MINPP1: variants seen among roughly 807,000 people sequenced by gnomAD.
The protein encoded by MINPP1 is multiple inositol-polyphosphate phosphatase 1, also known as multiple inositol polyphosphate phosphatase 1.
MINPP1 carries 28 observed loss-of-function variants against 46.1 expected under a neutral mutation model. The ratio of observed to expected loss-of-function variants is 0.61; its 90% CI spans 0.45 to 0.83. The LOEUF is 0.83. Ranked by LOEUF, MINPP1 falls within the 40% of genes least tolerant of loss-of-function variation. The probability of loss-of-function intolerance (pLI) is 0.00; values close to 1 mark genes in which losing one functional copy is unlikely to be tolerated. For missense variants in MINPP1, 603 were observed against 610.0 expected (o/e 0.99, Z 0.12); for synonymous variants, 268 against 249.1 (o/e 1.08, Z -0.72).
intron 4 of MINPP1, among the ~76,000 whole-genome samples, chr10:87,547,415 G>A (rs1033839487): frequency 1.3e-5 from 2 of 152,080 alleles, no homozygotes; most frequent in Non-Finnish European, 2.9e-5. Context: ...ATCAGCAATG[G>A]TTTGAAAGTA....
rs751548276 is a variant in MINPP1 at position 87,505,006 on chromosome 10, T to A, written c.91T>A (p.Ser31Thr). 8.7e-6 allele frequency: 14 copies of A among 1,612,800 alleles called. No homozygotes were observed. Among genetic ancestry groups the A allele is most frequent in the Non-Finnish European group, 1.1e-5 (13 of 1,179,826 alleles). The change falls in exon 1 of 5, where the codon TCT becomes ACT. Residue 31 changes from serine to threonine, a missense_variant. By Grantham distance (58) the Ser-to-Thr change is moderately conservative. This residue lies in a region of MINPP1 where 239 missense variants were observed against 189.4 expected (regional missense o/e 1.26). Transcript: ENST00000371996. This position sits in a 1 kb window ranked among gnomAD's most constrained non-coding sequence, Gnocchi z 4.4. ...GCTGCTCTCGTCGCTTGCGCGCTGC[T>A]CTCTTCTAGAGCCGAGGGACCCGGT... ...AALLSSLARC[S>T]LLEPRDPVAS...
intron 4 of MINPP1, among the ~76,000 whole-genome samples, chr10:87,524,105 G>A (rs1851540731): frequency 6.6e-6 from 1 of 152,212 alleles, no homozygotes; most frequent in African/African-American, 2.4e-5. Context: ...TGATGTTCTA[G>A]ATGGTATCTT....
At chr10:87,520,583 A>T (rs1344829245) in intron 3 of MINPP1, among the ~76,000 whole-genome samples, 3 of 152,100 alleles carry the variant, frequency 2.0e-5, no homozygotes, top group Non-Finnish European at 4.4e-5. Context: ...TACATTTCTC[A>T]TCCACCTATG....
chr10:87,507,899 G>T, intron 1 of MINPP1: 1 of 1,167,126 alleles, frequency 8.6e-7, no homozygotes, highest in Non-Finnish European at 1.1e-6. Flanking sequence ...ACAGAGTTGG[G>T]AAGGTTAATT....
At chr10:87,525,557 A>C (rs72634987) in intron 4 of MINPP1, among the ~76,000 whole-genome samples, 18,585 of 151,992 alleles carry the variant, frequency 0.12, 1,374 homozygotes, top group Non-Finnish European at 0.17. Context: ...CACCTTTTTT[A>C]AAGTTATACT....
intron 4 of MINPP1, among the ~76,000 whole-genome samples, chr10:87,550,685 C>T: frequency 6.6e-6 from 1 of 151,976 alleles, no homozygotes; most frequent in African/African-American, 2.4e-5. Flanking sequence ...GTGTACTGTT[C>T]AGAAGTATGA....
chr10:87,507,566 A>G (rs1851270815), intron 1 of MINPP1, among the ~76,000 whole-genome samples: 1 of 152,206 alleles, frequency 6.6e-6, no homozygotes, highest in Non-Finnish European at 1.5e-5. Context: ...ATGTACAAAA[A>G]TGATATACTT....
At position 87,523,356 on chromosome 10, in the gene MINPP1, G is replaced by GT. The variant is rs34767942; in HGVS notation, c.1067+2199dup. On this transcript the variant is annotated intron_variant, in intron 4 of 4. Transcript: ENST00000371996. ...TATTTCTCTGTCATATGAAATTTCT[G>GT]TTTTTTTTTTTTGAGACAGAGTCTC... Among the ~76,000 whole-genome samples, 270 of 144,602 alleles carry GT rather than the reference G, an allele frequency of 1.9e-3. 2 individuals are homozygous for GT. Among genetic ancestry groups the GT allele is most frequent in the South Asian group, 5.1e-3 (23 of 4,550 alleles). 94.9% of individuals were successfully genotyped at this position (144,602 alleles called of 152,430 possible).
intron 4 of MINPP1, among the ~76,000 whole-genome samples, chr10:87,541,879 T>A (rs147209834): frequency 0.013 from 2,056 of 152,310 alleles, 45 homozygotes; most frequent in African/African-American, 0.047. Context: ...TCCTCCCCCA[T>A]GTCCCAGTCT....
chr10:87,513,047 G>A, intron 2 of MINPP1, 77 bp from the exon 3 acceptor site: 2 of 964,204 alleles, frequency 2.1e-6, no homozygotes, highest in Non-Finnish European at 3.4e-6. Context: ...ACCACACATG[G>A]CATTCTACAG....
At chr10:87,538,149 C>T (rs1055122447) in intron 4 of MINPP1, among the ~76,000 whole-genome samples, 19 of 138,198 alleles carry the variant, frequency 1.4e-4, no homozygotes, top group African/African-American at 3.2e-4. Flanking sequence ...AATGTTTTTT[C>T]TCCGGGATTT....
Position 87,524,681 on chromosome 10 carries a change from T to C in MINPP1, c.1067+3512T>C, listed in dbSNP as rs113069076. On this transcript the variant is annotated intron_variant, in intron 4 of 4. Coordinates refer to ENST00000371996, the MANE Select transcript of MINPP1 (RefSeq NM_004897.5). ...CTTTCATTTGAACACTTAGAGGCCA[T>C]TGTAGGATTATTAATTGACGTAATT... Among the ~76,000 whole-genome samples, 1,403 of 152,268 alleles carry C rather than the reference T, an allele frequency of 9.2e-3. 4 individuals carry two copies. The highest frequency in any genetic ancestry group is 0.015 in the Non-Finnish European group (988 of 68,024).
At chr10:87,529,123 T>C (rs1165470024) in intron 4 of MINPP1, among the ~76,000 whole-genome samples, 1 of 152,224 alleles carries the variant, frequency 6.6e-6, no homozygotes, top group African/African-American at 2.4e-5. Context: ...GAGTTGTGTC[T>C]CCTGAATACA....
chr10:87,533,452 G>A (rs976011343), intron 4 of MINPP1, among the ~76,000 whole-genome samples: 4 of 152,110 alleles, frequency 2.6e-5, no homozygotes, highest in Admixed American at 6.6e-5. Context: ...TTCTATTTAA[G>A]CAGCTGTGAT....
intron 4 of MINPP1, among the ~76,000 whole-genome samples, chr10:87,550,665 G>A (rs1377856844): frequency 2.0e-5 from 3 of 151,876 alleles, no homozygotes; most frequent in Non-Finnish European, 4.4e-5. Flanking sequence ...GAGCCCCCCC[G>A]TTCTGGTGTG....
chr10:87,539,388 G>A (rs553730344), intron 4 of MINPP1, among the ~76,000 whole-genome samples: 2 of 152,274 alleles, frequency 1.3e-5, no homozygotes, highest in Non-Finnish European at 2.9e-5. Context: ...GGATACTTCT[G>A]CCAAGAGTCT....
At chr10:87,530,404 T>C (rs958446663) in intron 4 of MINPP1, among the ~76,000 whole-genome samples, 1 of 152,222 alleles carries the variant, frequency 6.6e-6, no homozygotes, top group Admixed American at 6.5e-5. Flanking sequence ...GTGGATGTCC[T>C]TTCTGTTTGT....
chr10:87,523,166 A>T (rs1368593348), intron 4 of MINPP1, among the ~76,000 whole-genome samples: 1 of 152,128 alleles, frequency 6.6e-6, no homozygotes, highest in African/African-American at 2.4e-5. Flanking sequence ...ACTCCTGGTA[A>T]TGTTGATATT....
chr10:87,519,205 G>T (rs1393949749), intron 3 of MINPP1, among the ~76,000 whole-genome samples: 1 of 152,110 alleles, frequency 6.6e-6, no homozygotes, highest in Non-Finnish European at 1.5e-5. Flanking sequence ...TAATACCACA[G>T]GTCAGCCCCT....
Sources: gnomAD v4.1 joint callset for allele counts (sites outside exome capture counted in the v4.1 genomes callset) on GRCh38, gnomAD v4.1.1 for gene constraint, gnomAD v4.1.1 regional missense constraint, Gnocchi (gnomAD v3.1) non-coding constraint, MANE v1.5 for transcripts, NCBI Gene and HGNC (gene_info 2026-07-23, HGNC 2026-07-21) for gene names.